The following PCDHA7 variants were observed in gnomAD, a reference collection of about 807,000 sequenced individuals.
The protein encoded by PCDHA7 is protocadherin alpha 7.
In PCDHA7, 37 loss-of-function variants were observed where a neutral mutation model predicts 57.2. The ratio of observed to expected loss-of-function variants is 0.65; its 90% CI spans 0.50 to 0.85. PCDHA7 has a LOEUF of 0.85. Ranked by LOEUF, PCDHA7 falls within the 40% of genes least tolerant of loss-of-function variation. The probability of loss-of-function intolerance (pLI) is 0.00; values close to 1 mark genes in which losing one functional copy is unlikely to be tolerated. For missense variants in PCDHA7, 1,188 were observed against 1,241.8 expected (o/e 0.96, Z 0.65); for synonymous variants, 553 against 558.8 (o/e 0.99, Z 0.15).
Position 140,854,236 on chromosome 5 carries a change from A to C in PCDHA7, c.2355+17498A>C, listed in dbSNP as rs2043047042. 3.1e-6 allele frequency: 2 copies of C among 638,488 alleles called. 1 individual carries two copies. The highest frequency in any genetic ancestry group is 4.0e-5 in the African/African-American group (2 of 50,146). The allele number at this position is 638,488 out of a possible 1,614,324, so 39.6% of individuals were successfully genotyped here. On this transcript the variant is annotated intron_variant, in intron 1 of 3. Transcript: ENST00000525929. ...ATTGGACATCTACATTGGGATATTT[A>C]TGTTATCACTTGGTATAAAATGTAC... is the stretch of plus-strand genomic sequence containing the variant.
rs1777055567 is a variant in PCDHA7, at chr5:140,841,163, T to C, written c.2355+4425T>C. 2 of 914,834 alleles carry C rather than the reference T, an allele frequency of 2.2e-6. 1 individual carries two copies. The highest frequency in any genetic ancestry group is 3.2e-6 in the Non-Finnish European group (2 of 616,240). 56.7% of individuals were successfully genotyped at this position (914,834 alleles called of 1,614,324 possible). ...CATGATGTCGCTGTCTACCAAGAAG[T>C]TCTGGTTGGTCAATGTTCAAAGTCT... On this transcript the variant is annotated intron_variant, in intron 1 of 3. Coordinates refer to ENST00000525929, the MANE Select transcript of PCDHA7 (RefSeq NM_018910.3).
chr5:141,006,931 G>A (rs1268492539), intron 3 of PCDHA7, among the ~76,000 whole-genome samples: 1 of 152,158 alleles, frequency 6.6e-6, no homozygotes, highest in African/African-American at 2.4e-5. Flanking sequence ...ATTTCCAACT[G>A]GGGATACCAG....
chr5:140,935,080 C>G (rs1163743447), intron 1 of PCDHA7, among the ~76,000 whole-genome samples: 2 of 152,076 alleles, frequency 1.3e-5, no homozygotes, highest in Non-Finnish European at 2.9e-5. Context: ...TGTACATTTC[C>G]TTTCCCAGAA....
chr5:140,851,867 A>T, intron 1 of PCDHA7: 2 of 977,010 alleles, frequency 2.0e-6, no homozygotes, highest in South Asian at 9.5e-5. Context: ...CATACATAAC[A>T]CAAGGCAGAA....
In PCDHA7 at chr5:141,010,428, A is replaced by G. The variant is rs2098417264; in HGVS notation, c.*491A>G. The G allele has an allele frequency of 9.2e-7, 1 of 1,087,372 alleles. No individual in the cohort carries two copies. Among genetic ancestry groups the G allele is most frequent in the East Asian group, 2.6e-5 (1 of 38,240 alleles). 67.4% of individuals were successfully genotyped at this position (1,087,372 alleles called of 1,614,324 possible). ...GACTAATTGGTACAAGGAAGGCAAG[A>G]AAACAAAGACAAATAAACAGCGGAA... On this transcript the variant is annotated 3_prime_UTR_variant, in exon 4 of 4. Transcript: ENST00000525929.
rs1164447924 is a variant in PCDHA7, at chr5:141,009,514, AT to A, written c.2504-108del. The A allele has an allele frequency of 1.5e-5, 22 of 1,501,204 alleles. 1 individual carries two copies. The South Asian group carries it at 1.9e-4, about 13-fold the overall frequency. 93.0% of individuals were successfully genotyped at this position (1,501,204 alleles called of 1,614,324 possible). ...CTCAGACTTGAACAAACAACTCGTG[AT>A]TTTTCTGGGGAGGTTCAGCCTGCCT... On this transcript the variant is annotated intron_variant, in intron 3 of 3. Coordinates refer to ENST00000525929, the MANE Select transcript of PCDHA7 (RefSeq NM_018910.3).
chr5:140,946,781 G>A (rs1006814243), intron 1 of PCDHA7, among the ~76,000 whole-genome samples: 6 of 151,330 alleles, frequency 4.0e-5, no homozygotes, highest in African/African-American at 1.2e-4. Flanking sequence ...ATGTAAAAAA[G>A]CTGATCTTAT....
At chr5:140,994,451 C>T (rs782287082) in intron 3 of PCDHA7, among the ~76,000 whole-genome samples, 14 of 152,116 alleles carry the variant, frequency 9.2e-5, no homozygotes, top group Non-Finnish European at 1.6e-4. Flanking sequence ...ACCTGTGATC[C>T]CAGCACTTTG....
intron 1 of PCDHA7, among the ~76,000 whole-genome samples, chr5:140,912,273 A>G (rs551128589): frequency 1.3e-5 from 2 of 151,890 alleles, no homozygotes; most frequent in South Asian, 4.2e-4. Flanking sequence ...TCACAGATAT[A>G]CCCAGGAACA....
chr5:140,986,204 T>A (rs2097190386), intron 3 of PCDHA7, among the ~76,000 whole-genome samples: 1 of 152,224 alleles, frequency 6.6e-6, no homozygotes, highest in African/African-American at 2.4e-5. Context: ...TAATCCTGAT[T>A]ACTGGCCCCT....
chr5:140,876,807 G>A (rs782408048), intron 1 of PCDHA7: 1 of 1,614,234 alleles, frequency 6.2e-7, no homozygotes, highest in South Asian at 1.1e-5. Context: ...CCGTGGAGGT[G>A]GCCGACGTGA....
At chr5:140,917,305 C>A (rs1554197951) in intron 1 of PCDHA7, among the ~76,000 whole-genome samples, 1 of 137,092 alleles carries the variant, frequency 7.3e-6, no homozygotes, top group Non-Finnish European at 1.5e-5. Flanking sequence ...ATAGTTGTTA[C>A]AATTTGGTGT....
At chr5:140,858,403 A>T (rs1554151554) in intron 1 of PCDHA7, 1 of 1,569,204 alleles carries the variant, frequency 6.4e-7, no homozygotes. Context: ...TGGACGGGGA[A>T]GATCAGTCTA....
intron 1 of PCDHA7, chr5:140,856,762 C>T: frequency 6.3e-7 from 1 of 1,596,712 alleles, no homozygotes; most frequent in Non-Finnish European, 8.6e-7. Context: ...ATGATAACGC[C>T]CCTATCTTTG....
At chr5:140,858,825 A>G in intron 1 of PCDHA7, 1 of 333,686 alleles carries the variant, frequency 3.0e-6, no homozygotes, top group Non-Finnish European at 5.6e-6. Flanking sequence ...TTGTATTTGC[A>G]TTACCAAAAA....
chr5:140,849,578 G>A (rs2150441176), intron 1 of PCDHA7: 2 of 1,598,680 alleles, frequency 1.3e-6, no homozygotes, highest in East Asian at 2.2e-5. Flanking sequence ...CTGTAAAAGA[G>A]GACGCACAAC....
intron 1 of PCDHA7, chr5:140,854,285 T>C (rs888416864): frequency 1.9e-6 from 1 of 521,658 alleles, no homozygotes; most frequent in Admixed American, 6.5e-5. Flanking sequence ...GAGTTTAGTT[T>C]TTATTATTTT....
At chr5:140,863,377 G>T (rs782482597) in intron 1 of PCDHA7, 6 of 1,100,624 alleles carry the variant, frequency 5.5e-6, no homozygotes, top group Non-Finnish European at 7.9e-6. Context: ...GCAGCTCACC[G>T]AGAGCTCGTG....
chr5:140,997,713 T>C (rs2097782364), intron 3 of PCDHA7, among the ~76,000 whole-genome samples: 1 of 151,942 alleles, frequency 6.6e-6, no homozygotes, highest in African/African-American at 2.4e-5. Flanking sequence ...AACAAACACC[T>C]TTCTACGTCA....
Sources: allele counts gnomAD v4.1 joint callset (sites outside exome capture counted in the v4.1 genomes callset), GRCh38; gene constraint gnomAD v4.1.1; transcripts MANE v1.5; gene names NCBI Gene and HGNC (gene_info 2026-07-23, HGNC 2026-07-21).